TADA3: variants seen among roughly 807,000 people sequenced by gnomAD.
TADA3 encodes transcriptional adaptor 3.
In TADA3, 25 loss-of-function variants were observed where a neutral mutation model predicts 43.2. The ratio of observed to expected loss-of-function variants is 0.58; its 90% CI spans 0.42 to 0.81. The LOEUF (loss-of-function observed/expected upper bound fraction) is 0.81, where lower values mean the gene tolerates loss of function less well. Ranked by LOEUF, TADA3 falls within the 30% of genes least tolerant of loss-of-function variation. The probability of loss-of-function intolerance (pLI) is 0.00; values close to 1 mark genes in which losing one functional copy is unlikely to be tolerated. For synonymous variants in TADA3, 235 were observed against 225.5 expected, an observed-to-expected ratio of 1.04 and a Z score of -0.38; for missense variants, 441 against 567.8, an observed-to-expected ratio of 0.78 and a Z score of 2.27.
rs1161754954 is a variant in TADA3 at position 9,780,045 on chromosome 3, G to A, written c.*312C>T. ...ACCACAAGGGAGAAGTCCTTGAAGG[G>A]GAGACAGGGGTAGGGGATTAGGGAG... On this transcript the variant is annotated 3_prime_UTR_variant, in exon 9 of 9. Transcript: ENST00000301964. The A allele has an allele frequency of 7.3e-6, 2 of 272,184 alleles. No homozygotes were observed. The highest frequency in any genetic ancestry group is 5.2e-5 in the Admixed American group (1 of 19,210). The allele number at this position is 272,184 out of a possible 1,614,324, so 16.9% of individuals were successfully genotyped here. A position where few individuals can be genotyped will look rare whatever the true frequency, so the allele number is the denominator to read the frequency against.
In TADA3 at chr3:9,791,451, C is replaced by T. The variant is rs762124982; in HGVS notation, c.16G>A (p.Asp6Asn). 6.2e-7 allele frequency: 1 copy of T among 1,611,790 alleles called. No homozygotes were observed. Among genetic ancestry groups the T allele is most frequent in the East Asian group, 2.2e-5 (1 of 44,854 alleles). ...AAGTCGTGGAACTGCAAGGGGCAGTCTTTCAACTCACTCATGGCCCAGGAT... is the reference window on the plus strand; with the variant it reads ...AAGTCGTGGAACTGCAAGGGGCAGTTTTTCAACTCACTCATGGCCCAGGAT... MSELK[D>N]CPLQFHDFKS... Residue 6 changes from aspartate to asparagine, a missense_variant, in exon 2 of 9, where the codon GAC (aspartate) becomes AAC (asparagine). Physicochemically the swap from Asp to Asn is conservative, Grantham distance 23 (BLOSUM62 1). Coordinates refer to ENST00000301964, the MANE Select transcript of TADA3 (RefSeq NM_006354.5).
chr3:9,789,391 C>A (rs967577616), intron 4 of TADA3, 118 bp downstream of exon 4: 7 of 905,628 alleles, frequency 7.7e-6, no homozygotes, highest in Admixed American at 2.6e-5. Flanking sequence ...ATGGAGCAGA[C>A]AGCAGACTGG....
chr3:9,792,879 C>T (rs1035991252), upstream of TADA3: 37 of 1,384,082 alleles, frequency 2.7e-5, no homozygotes, highest in Non-Finnish European at 3.3e-5. Flanking sequence ...GGAAGCTGCA[C>T]CCATTCCTGG....
At position 9,789,557 on chromosome 3, in the gene TADA3, T is replaced by G. The variant is rs1428290696; in HGVS notation, c.516A>C (p.Thr172=). Residue 172 remains threonine, a synonymous_variant, in exon 4 of 9, where the codon ACA becomes ACC. Transcript: ENST00000301964. Reference sequence around the variant, plus strand: ...CTGGGGGCTTCAGTAACTCCTCAAGTGTGCGGACCTCCTCGCTGGTGATGT... The same window carrying G: ...CTGGGGGCTTCAGTAACTCCTCAAGGGTGCGGACCTCCTCGCTGGTGATGT... ...CADITSEEVR[T]LEELLKPPED... 4.3e-6 allele frequency: 7 copies of G among 1,614,048 alleles called. No homozygotes were observed. The East Asian group carries it at 1.6e-4, about 36-fold the overall frequency.
At position 9,780,436 on chromosome 3, in the gene TADA3, G is replaced by A; in HGVS notation, c.1220C>T (p.Thr407Ile). Reference protein sequence around the residue: ...KIMAARQKKRTPTKKEKDQAW... With the variant: ...KIMAARQKKRIPTKKEKDQAW... ...CTGGTCCTTTTCTTTCTTGGTGGGA[G>A]TCCGCTTCTTCTGCCGGGCAGCCAT... The change falls in exon 9 of 9, where the codon ACT (threonine) becomes ATT (isoleucine). Residue 407 changes from threonine to isoleucine, a missense_variant. Thr to Ile is a moderately conservative substitution (Grantham distance 89). Transcript: ENST00000301964. The A allele has an allele frequency of 6.2e-7, 1 of 1,613,016 alleles. No homozygotes were observed. Among genetic ancestry groups the A allele is most frequent in the Middle Eastern group, 1.6e-4 (1 of 6,062 alleles).
Position 9,781,318 on chromosome 3 carries a change from C to A in TADA3, c.1107-769G>T, listed in dbSNP as rs560757822. Among the ~76,000 whole-genome samples the A allele has an allele frequency of 5.3e-5, 8 of 152,096 alleles. No homozygotes were observed. The South Asian group carries it at 1.7e-3, about 32-fold the overall frequency. Reference sequence around the variant, plus strand: ...ATATACATACACACACACAAACACACACACACAGGCACACCCACTCTCTCT... The same window carrying A: ...ATATACATACACACACACAAACACAAACACACAGGCACACCCACTCTCTCT... On this transcript the variant is annotated intron_variant, in intron 8 of 8. Coordinates refer to ENST00000301964, the MANE Select transcript of TADA3 (RefSeq NM_006354.5).
intron 3 of TADA3, 28 bp downstream of exon 3, chr3:9,789,685 C>G (rs745886500): frequency 1.6e-5 from 25 of 1,609,058 alleles, no homozygotes; most frequent in Non-Finnish European, 2.0e-5. Flanking sequence ...AACCTTGAGG[C>G]CCCCTTCTAT....
chr3:9,783,777 C>CAA, intron 8 of TADA3: 12 of 557,576 alleles, frequency 2.2e-5, no homozygotes, highest in East Asian at 4.0e-5. Flanking sequence ...GACTCCCTCT[C>CAA]AAAAAAAAAC....
At chr3:9,785,474 C>T (rs1268172192) in intron 6 of TADA3, 49 bp from the exon 7 acceptor site, 4 of 1,314,264 alleles carry the variant, frequency 3.0e-6, no homozygotes, top group Non-Finnish European at 4.4e-6. Flanking sequence ...GTTCCACTTT[C>T]CTGCTCCTTT....
intron 5 of TADA3, 35 bp downstream of exon 5, chr3:9,787,164 C>T (rs926760408): frequency 1.9e-6 from 3 of 1,614,166 alleles, no homozygotes; most frequent in Non-Finnish European, 2.5e-6. Context: ...AATTCAAGTC[C>T]TGACCTGGGG....
chr3:9,791,346 C>G lies in TADA3; in HGVS notation c.121G>C (p.Glu41Gln), dbSNP rs2078727895. The G allele has an allele frequency of 6.2e-7, 1 of 1,614,080 alleles. No individual in the cohort carries two copies. ...TCCAGCTGCAGGGTGTCCAGCTCCT[C>G]GATGCCGATGCCATCATCCTCAGAG... is the stretch of plus-strand genomic sequence containing the variant. ...ARSEDDGIGI[E>Q]ELDTLQLELE... Residue 41 changes from glutamate to glutamine, a missense_variant, in exon 2 of 9, where the codon GAG becomes CAG. By Grantham distance (29) the Glu-to-Gln change is conservative (BLOSUM62 2). Coordinates refer to ENST00000301964, the MANE Select transcript of TADA3 (RefSeq NM_006354.5).
intron 4 of TADA3, chr3:9,787,758 T>C: frequency 8.0e-7 from 1 of 1,250,136 alleles, no homozygotes; most frequent in Non-Finnish European, 1.1e-6. Flanking sequence ...ATAAGTGAAG[T>C]GAAAGAGAGA....
At chr3:9,792,994 G>T (rs568027587), upstream of TADA3, 39 of 1,474,068 alleles carry the variant, frequency 2.6e-5, no homozygotes, top group African/African-American at 2.2e-4. Flanking sequence ...TCTCTACCCC[G>T]CTCGGAGCAT....
At chr3:9,789,281 C>T (rs534348777) in intron 4 of TADA3, among the ~76,000 whole-genome samples, 93 of 152,240 alleles carry the variant, frequency 6.1e-4, no homozygotes, top group African/African-American at 2.1e-3. Flanking sequence ...GCAGACTTCA[C>T]TTAAGTAGAT....
chr3:9,792,631 C>A (rs2078766852), upstream of TADA3: 2 of 1,231,288 alleles, frequency 1.6e-6, no homozygotes, highest in African/African-American at 3.1e-5. Flanking sequence ...GGGGCACAGC[C>A]CGGGGCGGGA....
intron 8 of TADA3, among the ~76,000 whole-genome samples, chr3:9,780,804 C>T (rs1276805264): frequency 6.6e-6 from 1 of 152,148 alleles, no homozygotes; most frequent in African/African-American, 2.4e-5. Flanking sequence ...TTCTCTGTAC[C>T]TTTCTCTCAA....
intron 7 of TADA3, among the ~76,000 whole-genome samples, 184 bp downstream of exon 7, chr3:9,785,132 G>C (rs1056402393): frequency 6.6e-6 from 1 of 152,132 alleles, no homozygotes; most frequent in African/African-American, 2.4e-5. Flanking sequence ...GTTCTGTGCT[G>C]AACAACCCTG....
intron 4 of TADA3, among the ~76,000 whole-genome samples, chr3:9,788,834 A>G (rs1204126620): frequency 2.8e-5 from 4 of 144,752 alleles, no homozygotes; most frequent in East Asian, 2.1e-4. Context: ...GGTGACTTTT[A>G]TATCTTTTTT....
Position 9,787,264 on chromosome 3 carries a change from C to T in TADA3, c.641G>A (p.Arg214Gln), listed in dbSNP as rs1171497410. 48 of 1,614,204 alleles carry T rather than the reference C, an allele frequency of 3.0e-5. No homozygotes were observed. Among genetic ancestry groups the T allele is most frequent in the Middle Eastern group, 1.7e-4 (1 of 6,054 alleles). ...CTTCTTGTCAGCCACAGCCGCTGCC[C>T]GGGCCCCATCCTTCTGCTCCTCCAG... ...DLLEEQKDGA[R>Q]AAAVADKKKG... The change falls in exon 5 of 9, where the codon CGG (arginine) becomes CAG (glutamine). Residue 214 changes from arginine to glutamine, a missense_variant. Arg to Gln is a conservative substitution (Grantham distance 43). Transcript: ENST00000301964.
Sources: allele counts gnomAD v4.1 joint callset (sites outside exome capture counted in the v4.1 genomes callset), GRCh38; gene constraint gnomAD v4.1.1; transcripts MANE v1.5; gene names NCBI Gene and HGNC (gene_info 2026-07-23, HGNC 2026-07-21).